The following ERC2 variants were observed in gnomAD, a reference collection of about 807,000 sequenced individuals.
The protein encoded by ERC2 is ELKS/RAB6-interacting/CAST family member 2, also known as ERC protein 2.
Under a neutral mutation model 114.8 loss-of-function variants are expected in ERC2, and 42 were observed. The ratio of observed to expected loss-of-function variants is 0.37; its 90% CI spans 0.29 to 0.47. ERC2 has a LOEUF of 0.47. Ranked by LOEUF, ERC2 falls within the 20% of genes least tolerant of loss-of-function variation. ERC2 has a pLI of 0.99. For missense variants in ERC2, 939 were observed against 1,150.7 expected, an observed-to-expected ratio of 0.82 and a Z score of 2.66; for synonymous variants, 454 against 425.5, an observed-to-expected ratio of 1.07 and a Z score of -0.82.
chr3:56,145,612 C>G (rs1204933171), intron 5 of ERC2, among the ~76,000 whole-genome samples: 1 of 152,148 alleles, frequency 6.6e-6, no homozygotes, highest in African/African-American at 2.4e-5. Flanking sequence ...GCTCAGTTCT[C>G]AGAGACAATG....
At chr3:55,766,164 A>G (rs1175574322) in intron 14 of ERC2, among the ~76,000 whole-genome samples, 1 of 152,090 alleles carries the variant, frequency 6.6e-6, no homozygotes, top group Non-Finnish European at 1.5e-5. Flanking sequence ...GCAGATCGCC[A>G]AAACCTGCTG....
chr3:55,740,582 G>A (rs1394785888), intron 14 of ERC2, among the ~76,000 whole-genome samples: 1 of 152,028 alleles, frequency 6.6e-6, no homozygotes, highest in Non-Finnish European at 1.5e-5. Context: ...AGATAAAAAG[G>A]TATATAAAAC....
At chr3:56,195,056 G>T (rs1277345635) in intron 3 of ERC2, among the ~76,000 whole-genome samples, 3 of 152,156 alleles carry the variant, frequency 2.0e-5, no homozygotes, top group Admixed American at 2.0e-4. Context: ...CACAGTAAGA[G>T]ATTAACAATA....
chr3:55,586,169 G>T (rs942947965), intron 17 of ERC2, among the ~76,000 whole-genome samples: 2 of 152,134 alleles, frequency 1.3e-5, no homozygotes, highest in Non-Finnish European at 1.5e-5. Context: ...GGACTGCAGA[G>T]GGTTGGGGAA....
At chr3:55,982,537 G>T (rs1011549560) in intron 12 of ERC2, among the ~76,000 whole-genome samples, 6 of 151,964 alleles carry the variant, frequency 3.9e-5, no homozygotes, top group Non-Finnish European at 8.8e-5. Context: ...TACTGTTGCT[G>T]CTTCTGCTCC....
chr3:56,457,753 T>C (rs1381894638), intron 1 of ERC2, among the ~76,000 whole-genome samples: 3 of 152,194 alleles, frequency 2.0e-5, no homozygotes, highest in Admixed American at 6.5e-5. Context: ...ATTCTCTCGC[T>C]TACCTTTGGA....
At position 55,762,898 on chromosome 3, in the gene ERC2, C is replaced by A. The variant is rs13314222; in HGVS notation, c.2565-27980G>T. On this transcript the variant is annotated intron_variant, in intron 14 of 17. Transcript: ENST00000288221. The stretch of plus-strand genomic sequence containing the variant: ...TTTCACATAGCTCAAGATGACAGAA[C>A]CACTGTCCAGTTCAGTTCAACTTAA... Among the ~76,000 whole-genome samples the A allele has an allele frequency of 3.7e-3, 559 of 152,302 alleles. 5 individuals are homozygous for A. Among genetic ancestry groups the A allele is most frequent in the African/African-American group, 0.013 (537 of 41,572 alleles).
chr3:55,989,094 G>T (rs576117469), intron 11 of ERC2, among the ~76,000 whole-genome samples: 2 of 152,184 alleles, frequency 1.3e-5, no homozygotes, highest in Non-Finnish European at 1.5e-5. Context: ...GCTGCTGGAC[G>T]CAAGACACGG....
chr3:55,644,051 G>C (rs972985221), intron 17 of ERC2, among the ~76,000 whole-genome samples: 1 of 152,020 alleles, frequency 6.6e-6, no homozygotes, highest in Non-Finnish European at 1.5e-5. Context: ...TGCTGAGGAG[G>C]GCAGGGTGTG....
Position 55,891,464 on chromosome 3 carries a change from T to TC in ERC2, c.2404-2916_2404-2915insG, listed in dbSNP as rs35925606. 4.4e-3 allele frequency among the ~76,000 whole-genome samples: 590 copies of TC among 134,908 alleles called. 29 individuals are homozygous for TC. Among genetic ancestry groups the TC allele is most frequent in the Admixed American group, 0.041 (476 of 11,702 alleles). The allele number at this position is 134,908 out of a possible 152,430, so 88.5% of individuals were successfully genotyped here. On this transcript the variant is annotated intron_variant, in intron 13 of 17. Coordinates refer to ENST00000288221, the MANE Select transcript of ERC2 (RefSeq NM_015576.3). Reference sequence around the variant, plus strand: ...TTTTTTTTTTTTTTTTTTTTTTTTTTTGAGCTGGAGTCTCGCTCTGTCACC... The same window carrying TC: ...TTTTTTTTTTTTTTTTTTTTTTTTTTCTGAGCTGGAGTCTCGCTCTGTCACC...
chr3:55,653,950 G>A (rs1410713368), intron 17 of ERC2, among the ~76,000 whole-genome samples: 1 of 152,132 alleles, frequency 6.6e-6, no homozygotes, highest in Non-Finnish European at 1.5e-5. Context: ...AGCTGATTTT[G>A]AGCTATCTAG....
intron 6 of ERC2, among the ~76,000 whole-genome samples, chr3:56,093,712 T>C (rs1269317811): frequency 2.6e-5 from 4 of 152,176 alleles, no homozygotes; most frequent in Non-Finnish European, 5.9e-5. Flanking sequence ...CATAGTTCTA[T>C]AAGAGCTATA....
chr3:55,614,890 A>G lies in ERC2; in HGVS notation c.*39+68904T>C, dbSNP rs372037529. ...CTATGTTGAAGAGAGAAATTATATC[A>G]CTTACCACTAAAACAAACAAACAAA... is the stretch of plus-strand genomic sequence containing the variant. On this transcript the variant is annotated intron_variant, in intron 17 of 17. Transcript: ENST00000288221. Among the ~76,000 whole-genome samples the G allele has an allele frequency of 8.5e-5, 13 of 152,352 alleles. No individual in the cohort carries two copies. In the South Asian group the frequency reaches 1.0e-3, roughly 12 times the overall value.
chr3:56,420,713 G>A (rs986428028), intron 2 of ERC2, among the ~76,000 whole-genome samples: 57 of 149,552 alleles, frequency 3.8e-4, no homozygotes, highest in African/African-American at 1.3e-3. Flanking sequence ...GTGAAACCCC[G>A]TCTCTACTAA....
intron 7 of ERC2, among the ~76,000 whole-genome samples, chr3:56,037,257 G>A (rs978561120): frequency 5.3e-5 from 8 of 152,182 alleles, no homozygotes; most frequent in African/African-American, 9.7e-5. Flanking sequence ...ACTTCACTGC[G>A]CTAAAGGAGT....
intron 2 of ERC2, among the ~76,000 whole-genome samples, chr3:56,400,319 T>C (rs1304730408): frequency 6.6e-6 from 1 of 152,116 alleles, no homozygotes; most frequent in Non-Finnish European, 1.5e-5. Context: ...TTATGGGGGC[T>C]GAGGGGGTCA....
At chr3:55,724,330 T>C (rs916751202) in intron 15 of ERC2, among the ~76,000 whole-genome samples, 11 of 152,140 alleles carry the variant, frequency 7.2e-5, no homozygotes, top group African/African-American at 2.7e-4. Context: ...TGGGGAGTGG[T>C]TGCTCAGGGT....
intron 1 of ERC2, among the ~76,000 whole-genome samples, chr3:56,438,308 C>T (rs1478013181): frequency 6.6e-6 from 1 of 152,184 alleles, no homozygotes; most frequent in Non-Finnish European, 1.5e-5. Context: ...TAACCAACTC[C>T]TCTTCCTTAT....
chr3:55,611,252 A>C (rs1393635296), intron 17 of ERC2, among the ~76,000 whole-genome samples: 1 of 152,220 alleles, frequency 6.6e-6, no homozygotes, highest in South Asian at 2.1e-4. Context: ...AATTTATTGA[A>C]CTAATTTAAG....
Sources: gnomAD v4.1 joint callset for allele counts (sites outside exome capture counted in the v4.1 genomes callset) on GRCh38, gnomAD v4.1.1 for gene constraint, MANE v1.5 for transcripts, NCBI Gene and HGNC (gene_info 2026-07-23, HGNC 2026-07-21) for gene names.